LDLRAD4: variants seen among roughly 807,000 people sequenced by gnomAD.
LDLRAD4 encodes the protein low density lipoprotein receptor class A domain containing 4.
Under a neutral mutation model 17.0 loss-of-function variants are expected in LDLRAD4, and 5 were observed. That is an observed-to-expected ratio of 0.29 (90% CI 0.15 to 0.62). The LOEUF (loss-of-function observed/expected upper bound fraction) is 0.62, where lower values mean the gene tolerates loss of function less well. LDLRAD4 is among the 20% of genes least tolerant of loss of function. The probability of loss-of-function intolerance (pLI) is 0.84; values close to 1 mark genes in which losing one functional copy is unlikely to be tolerated. For synonymous variants in LDLRAD4, 168 were observed against 171.8 expected, an observed-to-expected ratio of 0.98 and a Z score of 0.17; for missense variants, 340 against 424.7, an observed-to-expected ratio of 0.80 and a Z score of 1.75.
At chr18:13,642,855 A>AG (rs1410477201) in intron 4 of LDLRAD4, 2 of 593,548 alleles carry the variant, frequency 3.4e-6, no homozygotes, top group Non-Finnish European at 2.5e-6. Flanking sequence ...TGTAGACAAG[A>AG]GGTCTGAAAA....
chr18:13,317,606 G>C (rs191747239), intron 1 of LDLRAD4, among the ~76,000 whole-genome samples: 4 of 152,350 alleles, frequency 2.6e-5, no homozygotes, highest in Admixed American at 2.6e-4. Flanking sequence ...AGACCTTACA[G>C]TATTGTTGAA....
intron 1 of LDLRAD4, among the ~76,000 whole-genome samples, chr18:13,280,331 A>G (rs1411798518): frequency 6.6e-6 from 1 of 152,148 alleles, no homozygotes; most frequent in Non-Finnish European, 1.5e-5. Context: ...AGCTTTTCTC[A>G]TCTTTAAATG....
chr18:13,597,336 A>G (rs906663149), intron 3 of LDLRAD4, among the ~76,000 whole-genome samples: 1 of 151,744 alleles, frequency 6.6e-6, no homozygotes, highest in African/African-American at 2.4e-5. Flanking sequence ...GTCTGTTACT[A>G]TTTTCCTTGG....
chr18:13,289,498 G>A (rs2045844149), intron 1 of LDLRAD4, among the ~76,000 whole-genome samples: 1 of 152,192 alleles, frequency 6.6e-6, no homozygotes. Flanking sequence ...GAAATCTTCA[G>A]GAGTGTCATC....
rs992780264 is a variant in LDLRAD4 at position 13,440,989 on chromosome 18, G to A, written c.181+2605G>A. ...CTCAGGTTCTCTGCAGGAGCCCGAG[G>A]GAGCTGGGCGAGTGGTCATGGGGAG... On this transcript the variant is annotated intron_variant, in intron 3 of 5. Coordinates refer to ENST00000359446, the Ensembl canonical transcript of LDLRAD4. This position sits in a 1 kb window ranked among gnomAD's most constrained non-coding sequence, Gnocchi z 4.4. Among the ~76,000 whole-genome samples the A allele has an allele frequency of 2.6e-5, 4 of 152,202 alleles. No individual in the cohort carries two copies. Among genetic ancestry groups the A allele is most frequent in the Non-Finnish European group, 5.9e-5 (4 of 68,014 alleles).
intron 1 of LDLRAD4, among the ~76,000 whole-genome samples, chr18:13,246,050 T>A (rs930774613): frequency 6.6e-6 from 1 of 152,246 alleles, no homozygotes; most frequent in East Asian, 1.9e-4. Context: ...AAATTAAAAA[T>A]GCATTGTTAA....
intron 1 of LDLRAD4, among the ~76,000 whole-genome samples, chr18:13,385,897 T>C (rs1249504290): frequency 6.6e-6 from 1 of 152,262 alleles, no homozygotes; most frequent in Admixed American, 6.5e-5. Context: ...TCTTTAAACT[T>C]GAGGACTCCT....
chr18:13,455,723 C>T (rs1440681706), intron 3 of LDLRAD4, among the ~76,000 whole-genome samples: 3 of 152,092 alleles, frequency 2.0e-5, no homozygotes, highest in South Asian at 2.1e-4. Flanking sequence ...GGAAGATATC[C>T]GGGGGCTTGG....
intron 2 of LDLRAD4, among the ~76,000 whole-genome samples, chr18:13,396,672 G>A (rs761328745): frequency 9.9e-5 from 15 of 151,862 alleles, no homozygotes; most frequent in Non-Finnish European, 1.9e-4. Context: ...TTGTAGAGAC[G>A]GAGTTTTGCC....
intron 3 of LDLRAD4, among the ~76,000 whole-genome samples, chr18:13,551,050 C>CGT (rs2094429504): frequency 6.6e-6 from 1 of 152,104 alleles, no homozygotes; most frequent in Non-Finnish European, 1.5e-5. Context: ...TCTTATCTTC[C>CGT]GTGTGCCTCC....
upstream of LDLRAD4, among the ~76,000 whole-genome samples, chr18:13,273,179 G>A (rs2044663466): frequency 6.6e-6 from 1 of 152,184 alleles, no homozygotes; most frequent in Non-Finnish European, 1.5e-5. Flanking sequence ...ATAAAGCAAG[G>A]TTGGTTTTGG....
intron 3 of LDLRAD4, among the ~76,000 whole-genome samples, chr18:13,567,970 A>G (rs1164765463): frequency 6.6e-6 from 1 of 152,002 alleles, no homozygotes; most frequent in Non-Finnish European, 1.5e-5. Flanking sequence ...TTCAACCCAC[A>G]AGCAGTTATT....
chr18:13,352,107 C>T (rs1225955221), intron 1 of LDLRAD4, among the ~76,000 whole-genome samples: 1 of 152,138 alleles, frequency 6.6e-6, no homozygotes, highest in Non-Finnish European at 1.5e-5. Context: ...CTTGATGTAA[C>T]ATATCTCAAA....
intron 2 of LDLRAD4, among the ~76,000 whole-genome samples, chr18:13,407,576 T>C (rs1342471365): frequency 1.3e-5 from 2 of 152,246 alleles, no homozygotes; most frequent in Non-Finnish European, 2.9e-5. Flanking sequence ...TACCTGAGGG[T>C]ACTAACACCG....
chr18:13,366,237 T>C (rs926066179), intron 1 of LDLRAD4: 1 of 152,204 alleles, frequency 6.6e-6, no homozygotes, highest in African/African-American at 2.4e-5. Context: ...CCACACCTTG[T>C]CCGATTATTT....
At chr18:13,224,482 T>TC (rs1340462005) in intron 1 of LDLRAD4, among the ~76,000 whole-genome samples, 1 of 135,546 alleles carries the variant, frequency 7.4e-6, no homozygotes, top group East Asian at 2.1e-4. Context: ...TTCTTTTTTT[T>TC]TTTTTTTTTT....
chr18:13,525,307 G>A (rs554036758), intron 3 of LDLRAD4, among the ~76,000 whole-genome samples: 1 of 152,270 alleles, frequency 6.6e-6, no homozygotes, highest in Admixed American at 6.5e-5. Flanking sequence ...AGAACGAAGA[G>A]CATAGACCAG....
At chr18:13,507,456 A>G (rs2093712877) in intron 3 of LDLRAD4, among the ~76,000 whole-genome samples, 1 of 152,230 alleles carries the variant, frequency 6.6e-6, no homozygotes, top group South Asian at 2.1e-4. Context: ...ACTTGGAACA[A>G]TAGCCTCCAT....
intron 3 of LDLRAD4, chr18:13,490,525 GT>G (rs1194248216): frequency 1.3e-5 from 2 of 152,168 alleles, no homozygotes; most frequent in South Asian, 2.1e-4. Flanking sequence ...CATTTTTTCA[GT>G]TTATGTATCC....
Sources: allele counts gnomAD v4.1 joint callset (sites outside exome capture counted in the v4.1 genomes callset), GRCh38; gene constraint gnomAD v4.1.1; non-coding constraint Gnocchi (gnomAD v3.1); transcripts MANE v1.5; gene names NCBI Gene and HGNC (gene_info 2026-07-23, HGNC 2026-07-21).